Variants in DIAPH2 observed in about 807,000 individuals in gnomAD.
The protein encoded by DIAPH2 is diaphanous related formin 2.
Under a neutral mutation model 92.7 loss-of-function variants are expected in DIAPH2, and 35 were observed. That is an observed-to-expected ratio of 0.38 (90% confidence interval 0.29 to 0.50). DIAPH2 has a LOEUF of 0.50. DIAPH2 is among the 20% of genes least tolerant of loss of function. The pLI is 0.94. For synonymous variants in DIAPH2, 301 were observed against 280.4 expected (o/e 1.07, Z -0.73); for missense variants, 701 against 819.5 (o/e 0.86, Z 1.77).
intron 25 of DIAPH2, 81 bp from the exon 26 acceptor site, chrX:97,429,569 T>C: frequency 1.8e-6 from 2 of 1,129,572 alleles, no homozygotes; most frequent in South Asian, 4.4e-5. Context: ...TATGTAAATC[T>C]GACAGGAGTT....
chrX:96,849,288 C>G (rs1321422394), intron 4 of DIAPH2, among the ~76,000 whole-genome samples: 1 of 111,423 alleles, frequency 9.0e-6, no homozygotes, highest in East Asian at 2.8e-4. Flanking sequence ...GTCTCAGCCT[C>G]CCAAGTAGCT....
At chrX:97,491,849 CCTT>C (rs1334295344) in intron 26 of DIAPH2, among the ~76,000 whole-genome samples, 4 of 111,192 alleles carry the variant, frequency 3.6e-5, no homozygotes, top group Non-Finnish European at 7.5e-5. Flanking sequence ...TGCTTTGGTT[CCTT>C]CTTCTATTTC....
chrX:97,323,279 C>T (rs1243691103), intron 23 of DIAPH2, among the ~76,000 whole-genome samples: 1 of 104,345 alleles, frequency 9.6e-6, no homozygotes, highest in African/African-American at 3.4e-5. Flanking sequence ...CCACTGTGCC[C>T]GCCCTATGCC....
chrX:97,280,463 T>A (rs1008603452), intron 23 of DIAPH2, among the ~76,000 whole-genome samples: 2 of 110,839 alleles, frequency 1.8e-5, no homozygotes, highest in African/African-American at 6.6e-5. Context: ...ACAGCGAGTC[T>A]CCGTCTCAAA....
chrX:96,723,667 C>T (rs1269593922), intron 1 of DIAPH2, among the ~76,000 whole-genome samples: 2 of 111,681 alleles, frequency 1.8e-5, no homozygotes, highest in Non-Finnish European at 3.8e-5. Flanking sequence ...AAAATGTAGT[C>T]GCAGAACTAA....
intron 26 of DIAPH2, among the ~76,000 whole-genome samples, chrX:97,572,422 A>G (rs2147874981): frequency 8.9e-6 from 1 of 111,792 alleles, no homozygotes; most frequent in African/African-American, 3.2e-5. Context: ...CTTTTAAGGA[A>G]ACCAGTTATG....
intron 23 of DIAPH2, among the ~76,000 whole-genome samples, chrX:97,256,649 T>C (rs2068238336): frequency 1.8e-5 from 2 of 111,623 alleles, no homozygotes; most frequent in African/African-American, 6.5e-5. Flanking sequence ...TGCTCTTTTC[T>C]TCTGTTTTTG....
chrX:97,334,993 C>CAAAAAAAAAAAAA (rs1314227612), intron 23 of DIAPH2, among the ~76,000 whole-genome samples: 1 of 6,629 alleles, frequency 1.5e-4, no homozygotes, highest in African/African-American at 2.6e-4. Context: ...AAAACAAAAA[C>CAAAAAAAAAAAAA]AAAACAAAAA....
At chrX:96,919,840 A>G (rs921133391) in intron 9 of DIAPH2, among the ~76,000 whole-genome samples, 2 of 109,056 alleles carry the variant, frequency 1.8e-5, no homozygotes, top group Non-Finnish European at 3.8e-5. Flanking sequence ...ATCAACTTTT[A>G]TGGTGTACTT....
chrX:97,025,433 C>T (rs188721850), intron 17 of DIAPH2, among the ~76,000 whole-genome samples: 1,136 of 109,305 alleles, frequency 0.01, 13 homozygotes, highest in African/African-American at 0.036. Context: ...GGGCGGATCA[C>T]GAGGTCAGGA....
At chrX:96,767,731 G>A (rs994095515) in intron 4 of DIAPH2, among the ~76,000 whole-genome samples, 1 of 111,944 alleles carries the variant, frequency 8.9e-6, no homozygotes, top group Non-Finnish European at 1.9e-5. Flanking sequence ...GAAGGATTCA[G>A]CTGGATGCTG....
At chrX:96,876,893 A>C (rs1240081449) in intron 4 of DIAPH2, among the ~76,000 whole-genome samples, 1 of 111,583 alleles carries the variant, frequency 9.0e-6, no homozygotes, top group East Asian at 2.8e-4. Flanking sequence ...CATTTACCCT[A>C]GAACTTAAAG....
intron 4 of DIAPH2, among the ~76,000 whole-genome samples, chrX:96,798,424 A>G (rs2064556943): frequency 1.8e-5 from 2 of 110,186 alleles, no homozygotes; most frequent in African/African-American, 6.6e-5. Flanking sequence ...CATTTCAGAT[A>G]TGGTATTTTT....
chrX:97,512,519 T>C (rs2070906637), intron 26 of DIAPH2, among the ~76,000 whole-genome samples: 1 of 110,536 alleles, frequency 9.0e-6, no homozygotes, highest in Non-Finnish European at 1.9e-5. Flanking sequence ...TCAGTTCTGC[T>C]CTGATTTTAG....
chrX:97,110,991 C>CAAA (rs1331839971), intron 20 of DIAPH2, among the ~76,000 whole-genome samples: 68 of 87,878 alleles, frequency 7.7e-4, no homozygotes, highest in African/African-American at 2.5e-3. Flanking sequence ...TCAAAAAAAA[C>CAAA]AAACAAAAAA....
chrX:96,888,634 TATATATCTATATATATATTACC>T lies in DIAPH2; in HGVS notation c.587+6919_587+6940del, dbSNP rs759589758. ...ATATATCTATATATATACACAGATATATATATCTATATATATATTACCATGTATATACAGATATATATATATC... is the reference window on the plus strand; with the variant it reads ...ATATATCTATATATATACACAGATATATGTATATACAGATATATATATATC... On this transcript the variant is annotated intron_variant, in intron 5 of 26. Coordinates refer to ENST00000324765, the MANE Select transcript of DIAPH2 (RefSeq NM_006729.5). 7.6e-3 allele frequency among the ~76,000 whole-genome samples: 768 copies of T among 100,893 alleles called. 7 individuals are homozygous for T. The highest frequency in any genetic ancestry group is 0.027 in the African/African-American group (742 of 27,033). The allele number at this position is 100,893 out of a possible 115,157, so 87.6% of individuals were successfully genotyped here. A position where few individuals can be genotyped will look rare whatever the true frequency, so the allele number is the denominator to read the frequency against.
intron 17 of DIAPH2, among the ~76,000 whole-genome samples, chrX:97,040,582 T>A (rs941570845): frequency 9.0e-5 from 10 of 111,200 alleles, no homozygotes; most frequent in African/African-American, 3.3e-4. Flanking sequence ...GAGGCGCTTT[T>A]GCACTGCTAT....
At chrX:97,063,033 CAA>C (rs56405925) in intron 17 of DIAPH2, among the ~76,000 whole-genome samples, 11 of 57,404 alleles carry the variant, frequency 1.9e-4, no homozygotes, top group African/African-American at 3.6e-4. Context: ...AACTCTGTCT[CAA>C]AAAAAAAAAA....
intron 17 of DIAPH2, among the ~76,000 whole-genome samples, chrX:97,038,706 A>C (rs772030223): frequency 8.8e-4 from 97 of 109,899 alleles, no homozygotes; most frequent in African/African-American, 3.1e-3. Flanking sequence ...TTTCCTAATG[A>C]TTAGTGATGC....
Sources: gnomAD v4.1 joint callset for allele counts (sites outside exome capture counted in the v4.1 genomes callset) on GRCh38, gnomAD v4.1.1 for gene constraint, MANE v1.5 for transcripts, NCBI Gene and HGNC (gene_info 2026-07-23, HGNC 2026-07-21) for gene names.